The following MGST1 variants were observed in gnomAD, a reference collection of about 807,000 sequenced individuals.
The protein encoded by MGST1 is glutathione S-transferase 12.
In MGST1, 5 loss-of-function variants were observed where a neutral mutation model predicts 8.9. The ratio of observed to expected loss-of-function variants is 0.56; its 90% CI spans 0.29 to 1.19. The LOEUF (loss-of-function observed/expected upper bound fraction) is 1.19, where lower values mean the gene tolerates loss of function less well. Among genes scored for constraint, MGST1 ranks in the 50% most tolerant of loss-of-function variants. The pLI, the probability that MGST1 is intolerant of heterozygous loss-of-function variation, is 0.08. For synonymous variants in MGST1, 54 were observed against 67.8 expected (o/e 0.80, Z 1.00); for missense variants, 182 against 187.4 (o/e 0.97, Z 0.17).
chr12:16,538,148 C>G (rs1941767224), intron 4 of MGST1, among the ~76,000 whole-genome samples: 1 of 152,148 alleles, frequency 6.6e-6, no homozygotes, highest in South Asian at 2.1e-4. Context: ...TTATCTCTCT[C>G]AAGTTAAAAG....
chr12:16,534,196 AT>A (rs1388040488), intron 4 of MGST1, among the ~76,000 whole-genome samples: 2 of 152,238 alleles, frequency 1.3e-5, no homozygotes, highest in African/African-American at 4.8e-5. Context: ...ATAACTATAA[AT>A]GATGCATAAA....
intron 4 of MGST1, chr12:16,550,854 A>T (rs1941961706): frequency 5.9e-6 from 1 of 170,608 alleles, no homozygotes; most frequent in Non-Finnish European, 1.3e-5. Flanking sequence ...GCAACAATAC[A>T]AAGAAGCAAA....
intron 1 of MGST1, among the ~76,000 whole-genome samples, chr12:16,351,195 C>A (rs9332893): frequency 0.02 from 3,005 of 152,258 alleles, 102 homozygotes; most frequent in African/African-American, 0.068. Flanking sequence ...AAAAACTTCA[C>A]ACGCTTGCTG....
chr12:16,404,708 A>C (rs1940685436), intron 1 of MGST1, among the ~76,000 whole-genome samples: 1 of 152,042 alleles, frequency 6.6e-6, no homozygotes, highest in South Asian at 2.1e-4. Flanking sequence ...GTCTTTGTCT[A>C]TTTTAATACT....
rs1380244896 is a variant in MGST1, at chr12:16,582,246, T to A, written n.483-7282T>A. On this transcript the variant is annotated intron_variant and non_coding_transcript_variant, in intron 4 of 4. Coordinates refer to the MGST1 transcript ENST00000538857. This position sits in a 1 kb window ranked among gnomAD's most constrained non-coding sequence, Gnocchi z 4.1. ...GTACAGACTGCCATAACTATGGTGT[T>A]TCTTCCTCCAGTTTGATAATACAAT... Among the ~76,000 whole-genome samples the A allele has an allele frequency of 6.6e-6, 1 of 152,220 alleles. No homozygotes were observed. Among genetic ancestry groups the A allele is most frequent in the East Asian group, 1.9e-4 (1 of 5,194 alleles).
At chr12:16,375,540 T>C (rs1940365562) in intron 3 of MGST1, among the ~76,000 whole-genome samples, 1 of 151,980 alleles carries the variant, frequency 6.6e-6, no homozygotes, top group African/African-American at 2.4e-5. Context: ...TTTTCAGTAA[T>C]AGTATTATTA....
intron 4 of MGST1, among the ~76,000 whole-genome samples, chr12:16,568,584 G>T (rs1053580167): frequency 8.5e-5 from 13 of 152,086 alleles, no homozygotes; most frequent in Admixed American, 8.5e-4. Flanking sequence ...AGATTCCAAA[G>T]CTTAGCACAA....
At chr12:16,456,638 G>A (rs1317586771) in intron 4 of MGST1, among the ~76,000 whole-genome samples, 2 of 151,790 alleles carry the variant, frequency 1.3e-5, no homozygotes, top group Non-Finnish European at 2.9e-5. Flanking sequence ...GAGGGCTCAG[G>A]AACATTAATC....
intron 3 of MGST1, 25 bp downstream of exon 3, chr12:16,357,724 C>G (rs756243955): frequency 1.4e-4 from 228 of 1,578,278 alleles, no homozygotes; most frequent in South Asian, 1.3e-3. Context: ...CTTGAAATTA[C>G]TTACTTTATG....
At chr12:16,456,802 C>A (rs2137119615) in intron 4 of MGST1, among the ~76,000 whole-genome samples, 1 of 151,998 alleles carries the variant, frequency 6.6e-6, no homozygotes, top group Non-Finnish European at 1.5e-5. Context: ...AAGTCCTCAT[C>A]CTTATTCTCT....
intron 1 of MGST1, among the ~76,000 whole-genome samples, chr12:16,434,445 TG>T (rs942064993): frequency 2.6e-5 from 4 of 151,142 alleles, no homozygotes; most frequent in Non-Finnish European, 4.4e-5. Context: ...ATTTCAGTTG[TG>T]TGTGTGTGTG....
intron 1 of MGST1, among the ~76,000 whole-genome samples, chr12:16,391,441 T>C (rs553752653): frequency 6.6e-6 from 1 of 152,246 alleles, no homozygotes; most frequent in Non-Finnish European, 1.5e-5. Flanking sequence ...CCTGTGTTAG[T>C]TTGCTGAGAA....
intron 4 of MGST1, among the ~76,000 whole-genome samples, chr12:16,564,484 A>G (rs1005823773): frequency 6.6e-6 from 1 of 152,204 alleles, no homozygotes; most frequent in Non-Finnish European, 1.5e-5. Flanking sequence ...CTCAAGACAT[A>G]TACTCATTTA....
intron 4 of MGST1, among the ~76,000 whole-genome samples, chr12:16,524,527 G>A (rs1286197554): frequency 6.6e-6 from 1 of 152,164 alleles, no homozygotes; most frequent in South Asian, 2.1e-4. Flanking sequence ...CCCTGGTAGT[G>A]CTGACCACAT....
intron 4 of MGST1, among the ~76,000 whole-genome samples, chr12:16,446,797 C>A (rs957321200): frequency 5.3e-4 from 81 of 151,994 alleles, no homozygotes; most frequent in African/African-American, 1.8e-3. Flanking sequence ...ATTCTGGTAT[C>A]CATCTCCCTT....
rs988947720 is a variant in MGST1 at position 16,357,740 on chromosome 12, A to G, written c.221+41A>G. On this transcript the variant is annotated intron_variant, in intron 3 of 3. Coordinates refer to ENST00000396210, the MANE Select transcript of MGST1 (RefSeq NM_020300.5). Reference sequence around the variant, plus strand: ...TTGAAATTACTTACTTTATGAAACAATTTTGGTCAAGGAGTTCAGTGAAGA... The same window carrying G: ...TTGAAATTACTTACTTTATGAAACAGTTTTGGTCAAGGAGTTCAGTGAAGA... 17 of 1,571,302 alleles carry G rather than the reference A, an allele frequency of 1.1e-5. No homozygotes were observed. The East Asian group carries it at 1.1e-4, about 10-fold the overall frequency.
At position 16,385,677 on chromosome 12, in the gene MGST1, T is replaced by A. The variant is rs987283056; in HGVS notation, n.778+2073T>A. 3.4e-5 allele frequency among the ~76,000 whole-genome samples: 5 copies of A among 148,124 alleles called. No individual in the cohort carries two copies. The Admixed American group carries it at 3.5e-4, about 10-fold the overall frequency. Reference sequence around the variant, plus strand: ...TCAAAGCCCAGGAGAAGCCCGTCTCTTTTCAAAGGGCTTTCTTTTTTTTTT... The same window carrying A: ...TCAAAGCCCAGGAGAAGCCCGTCTCATTTCAAAGGGCTTTCTTTTTTTTTT... On this transcript the variant is annotated intron_variant and non_coding_transcript_variant, in intron 1 of 1. Coordinates refer to the MGST1 transcript ENST00000359720.
At chr12:16,499,517 AG>A (rs1433730653) in intron 4 of MGST1, among the ~76,000 whole-genome samples, 7 of 152,064 alleles carry the variant, frequency 4.6e-5, no homozygotes, top group Admixed American at 2.6e-4. Flanking sequence ...GGGGAAAAAA[AG>A]TTTCTCTGGC....
At position 16,544,674 on chromosome 12, in the gene MGST1, G is replaced by T. The variant is rs1247878163; in HGVS notation, n.483-44854G>T. Among the ~76,000 whole-genome samples the T allele has an allele frequency of 6.6e-6, 1 of 151,924 alleles. No homozygotes were observed. The highest frequency in any genetic ancestry group is 2.4e-5 in the African/African-American group (1 of 41,354). On this transcript the variant is annotated intron_variant and non_coding_transcript_variant, in intron 4 of 4. Coordinates refer to the MGST1 transcript ENST00000538857. The surrounding 1 kb of genome is among the most constrained non-coding windows in gnomAD (Gnocchi z 4.8). ...AGGTTCAAGTCCTTATTTCTGAGGG[G>T]ACAAAAATATCAAAATAATCCTATA...
Sources: allele counts gnomAD v4.1 joint callset (sites outside exome capture counted in the v4.1 genomes callset), GRCh38; gene constraint gnomAD v4.1.1; non-coding constraint Gnocchi (gnomAD v3.1); transcripts MANE v1.5; gene names NCBI Gene and HGNC (gene_info 2026-07-23, HGNC 2026-07-21).